The following TMEM178B variants were observed in gnomAD, a reference collection of about 807,000 sequenced individuals.
TMEM178B encodes the protein transmembrane protein 178B.
In TMEM178B, 5 loss-of-function variants were observed where a neutral mutation model predicts 31.0. The ratio of observed to expected loss-of-function variants is 0.16; its 90% CI spans 0.08 to 0.34. The LOEUF (loss-of-function observed/expected upper bound fraction) is 0.34. Among genes scored for constraint, TMEM178B ranks in the 10% least tolerant of loss-of-function variants. The probability of loss-of-function intolerance (pLI) is 1.00; values close to 1 mark genes in which losing one functional copy is unlikely to be tolerated. For missense variants in TMEM178B, 275 were observed against 400.3 expected, an observed-to-expected ratio of 0.69 and a Z score of 2.67; for synonymous variants, 164 against 164.0, an observed-to-expected ratio of 1.00 and a Z score of 0.00.
chr7:141,082,494 C>T (rs1794703207), intron 1 of TMEM178B, among the ~76,000 whole-genome samples: 1 of 152,254 alleles, frequency 6.6e-6, no homozygotes, highest in South Asian at 2.1e-4. Flanking sequence ...ACATGATGTG[C>T]ACCTCCTTGC....
intron 2 of TMEM178B, among the ~76,000 whole-genome samples, chr7:141,228,311 GA>G (rs1797378925): frequency 6.6e-6 from 1 of 151,490 alleles, no homozygotes; most frequent in South Asian, 2.1e-4. Context: ...TTACTCTTCA[GA>G]AAAATGTCAA....
At chr7:141,102,878 C>G (rs1795081590) in intron 1 of TMEM178B, among the ~76,000 whole-genome samples, 1 of 152,196 alleles carries the variant, frequency 6.6e-6, no homozygotes, top group Non-Finnish European at 1.5e-5. Context: ...GGTATGACCC[C>G]ATTTCACAGA....
the TMEM178B span, among the ~76,000 whole-genome samples, chr7:141,495,853 A>T: frequency 6.6e-6 from 1 of 152,236 alleles, no homozygotes; most frequent in Non-Finnish European, 1.5e-5. Context: ...AGTTTCCAGA[A>T]GGTATGTGAG....
chr7:141,371,491 A>G (rs1257401537), intron 2 of TMEM178B, among the ~76,000 whole-genome samples: 1 of 152,222 alleles, frequency 6.6e-6, no homozygotes, highest in Non-Finnish European at 1.5e-5. Flanking sequence ...TTAAAAAATT[A>G]CCTGCCTCAA....
intron 1 of TMEM178B, among the ~76,000 whole-genome samples, chr7:141,183,640 T>C (rs933626365): frequency 5.3e-5 from 8 of 152,214 alleles, no homozygotes; most frequent in African/African-American, 1.4e-4. Flanking sequence ...ATCTTCCTCC[T>C]TTTTGCTTCT....
At chr7:141,189,185 G>A (rs1796657908) in intron 1 of TMEM178B, among the ~76,000 whole-genome samples, 1 of 152,256 alleles carries the variant, frequency 6.6e-6, no homozygotes, top group African/African-American at 2.4e-5. Context: ...ATCCCTCACT[G>A]CATTGTGCTA....
the TMEM178B span, among the ~76,000 whole-genome samples, chr7:141,486,415 C>A: frequency 1.3e-5 from 2 of 152,074 alleles, no homozygotes; most frequent in Admixed American, 1.3e-4. Context: ...AAAAAAGAGC[C>A]CTGCTTCAGG....
At chr7:141,315,804 T>C (rs1798992366) in intron 2 of TMEM178B, among the ~76,000 whole-genome samples, 1 of 152,220 alleles carries the variant, frequency 6.6e-6, no homozygotes, top group African/African-American at 2.4e-5. Context: ...TTTAAGGTTA[T>C]CTGGGACTTC....
intron 2 of TMEM178B, among the ~76,000 whole-genome samples, chr7:141,231,045 T>C (rs1406101396): frequency 6.6e-6 from 1 of 152,262 alleles, no homozygotes; most frequent in East Asian, 1.9e-4. Context: ...CTAAGTGATG[T>C]TCAGAAAGGA....
chr7:141,461,566 T>C lies in TMEM178B; in HGVS notation c.635-8970T>C, dbSNP rs1010575490. Among the ~76,000 whole-genome samples, 3 of 152,240 alleles carry C rather than the reference T, an allele frequency of 2.0e-5. No individual in the cohort carries two copies. Among genetic ancestry groups the C allele is most frequent in the African/African-American group, 7.2e-5 (3 of 41,464 alleles). On this transcript the variant is annotated intron_variant, in intron 3 of 3. Transcript: ENST00000565468. This position sits in a 1 kb window ranked among gnomAD's most constrained non-coding sequence, Gnocchi z 4.0. The stretch of plus-strand genomic sequence containing the variant: ...CCTCAGTTTCCTAGGAGACGGCTTC[T>C]TGAATTAGTAAGAGCATTTCTGCTG...
At chr7:141,404,855 GA>G (rs1397447881) in intron 2 of TMEM178B, among the ~76,000 whole-genome samples, 1 of 152,184 alleles carries the variant, frequency 6.6e-6, no homozygotes, top group Non-Finnish European at 1.5e-5. Flanking sequence ...CTCAAACTGA[GA>G]TCCAGGTATC....
At chr7:141,492,599 G>A in the TMEM178B span, among the ~76,000 whole-genome samples, 1 of 152,216 alleles carries the variant, frequency 6.6e-6, no homozygotes, top group Non-Finnish European at 1.5e-5. Flanking sequence ...CTAAAGGCGA[G>A]TTTCCGTAAC....
In TMEM178B at chr7:141,466,369, C is replaced by G. The variant is rs150739071; in HGVS notation, c.635-4167C>G. On this transcript the variant is annotated intron_variant, in intron 3 of 3. Transcript: ENST00000565468. ...GAAGTTGAGTCATTTTCTACTGGTACTTAGGTCCACCCGGACCTTATCCCT... is the reference window on the plus strand; with the variant it reads ...GAAGTTGAGTCATTTTCTACTGGTAGTTAGGTCCACCCGGACCTTATCCCT... Among the ~76,000 whole-genome samples the G allele has an allele frequency of 5.2e-3, 791 of 152,314 alleles. 1 individual carries two copies. The highest frequency in any genetic ancestry group is 8.6e-3 in the Non-Finnish European group (587 of 68,030).
chr7:141,225,788 CT>C (rs573456183), intron 2 of TMEM178B, among the ~76,000 whole-genome samples: 2 of 152,296 alleles, frequency 1.3e-5, no homozygotes, highest in African/African-American at 2.4e-5. Flanking sequence ...TAGCCAGCCC[CT>C]GATACAAGAT....
chr7:141,262,416 G>A (rs1798026951), intron 2 of TMEM178B, among the ~76,000 whole-genome samples: 1 of 150,230 alleles, frequency 6.7e-6, no homozygotes, highest in Non-Finnish European at 1.5e-5. Context: ...GGGAGAAAGC[G>A]ACAGCTTTTT....
intron 2 of TMEM178B, among the ~76,000 whole-genome samples, chr7:141,433,061 C>T (rs1801466650): frequency 6.6e-6 from 1 of 152,224 alleles, no homozygotes; most frequent in African/African-American, 2.4e-5. Flanking sequence ...CAGTCCGTAA[C>T]TCCATCAGGG....
intron 1 of TMEM178B, among the ~76,000 whole-genome samples, chr7:141,181,727 C>G (rs1398111002): frequency 6.6e-6 from 1 of 152,218 alleles, no homozygotes; most frequent in African/African-American, 2.4e-5. Context: ...ATATACTCCT[C>G]TTTTATCTCT....
intron 1 of TMEM178B, among the ~76,000 whole-genome samples, chr7:141,197,585 A>G (rs1352125384): frequency 6.6e-6 from 1 of 152,138 alleles, no homozygotes; most frequent in African/African-American, 2.4e-5. Context: ...TAATTCATCT[A>G]TTTGGGGTTT....
intron 2 of TMEM178B, among the ~76,000 whole-genome samples, chr7:141,436,371 G>A (rs1002021905): frequency 3.3e-5 from 5 of 152,126 alleles, no homozygotes; most frequent in South Asian, 2.1e-4. Flanking sequence ...AGAGAGGGAC[G>A]CCCAAGGATC....
Sources: allele counts gnomAD v4.1 joint callset (sites outside exome capture counted in the v4.1 genomes callset), GRCh38; gene constraint gnomAD v4.1.1; non-coding constraint Gnocchi (gnomAD v3.1); transcripts MANE v1.5; gene names NCBI Gene and HGNC (gene_info 2026-07-23, HGNC 2026-07-21).